SDK1: variants seen among roughly 807,000 people sequenced by gnomAD.
SDK1 encodes the protein sidekick cell adhesion molecule 1.
A neutral mutation model predicts 245.5 loss-of-function variants in SDK1; 157 were observed. The ratio of observed to expected loss-of-function variants is 0.64; its 90% confidence interval spans 0.56 to 0.73. The LOEUF is 0.73. Ranked by LOEUF, SDK1 falls within the 30% of genes least tolerant of loss-of-function variation. The pLI, the probability that SDK1 is intolerant of heterozygous loss-of-function variation, is 0.00. For missense variants in SDK1, 3,583 were observed against 3,002.3 expected (o/e 1.19, Z -4.52); for synonymous variants, 1,647 against 1,278.5 (o/e 1.29, Z -6.15).
chr7:4,035,897 C>CATA (rs560374279), intron 17 of SDK1, among the ~76,000 whole-genome samples: 2 of 151,972 alleles, frequency 1.3e-5, no homozygotes, highest in African/African-American at 2.4e-5. Context: ...TTTACAAATC[C>CATA]ATAATAATAA....
chr7:3,570,903 C>T (rs1780093928), intron 1 of SDK1, among the ~76,000 whole-genome samples: 1 of 150,148 alleles, frequency 6.7e-6, no homozygotes, highest in Admixed American at 6.6e-5. Flanking sequence ...TTCATGCATG[C>T]TTCTTTAATC....
intron 1 of SDK1, among the ~76,000 whole-genome samples, chr7:3,549,176 G>T (rs984509232): frequency 2.6e-5 from 4 of 152,222 alleles, no homozygotes; most frequent in African/African-American, 9.6e-5. Context: ...CATGCAAACA[G>T]TTCTTTTTGA....
At chr7:3,513,642 A>G (rs1229851997) in intron 1 of SDK1, among the ~76,000 whole-genome samples, 2 of 152,192 alleles carry the variant, frequency 1.3e-5, no homozygotes, top group East Asian at 3.9e-4. Flanking sequence ...AATAATTTCA[A>G]CTTTTATTTT....
rs184384756 is a variant in SDK1, at chr7:3,739,559, T to C, written c.714-81891T>C. Among the ~76,000 whole-genome samples the C allele has an allele frequency of 2.9e-3, 443 of 152,330 alleles. 16 individuals are homozygous for C. Among genetic ancestry groups the C allele is most frequent in the African/African-American group, 3.7e-3 (153 of 41,592 alleles). On this transcript the variant is annotated intron_variant, in intron 4 of 44. Coordinates refer to ENST00000404826, the MANE Select transcript of SDK1 (RefSeq NM_152744.4). The stretch of plus-strand genomic sequence containing the variant: ...GATTCTTTTTCTGCAGATTAAAATA[T>C]ACTGTTGAGTCCCTCCAGTGAATTT...
Position 4,041,890 on chromosome 7 carries a change from T to C in SDK1, c.2603-7458T>C, listed in dbSNP as rs1015082415. ...GTGCAGTGGTGAGATCTCGGCTCACTGCAACCTCCGCCTCCCAGGTTCGAG... is the reference window on the plus strand; with the variant it reads ...GTGCAGTGGTGAGATCTCGGCTCACCGCAACCTCCGCCTCCCAGGTTCGAG... On this transcript the variant is annotated intron_variant, in intron 17 of 44. Coordinates refer to ENST00000404826, the MANE Select transcript of SDK1 (RefSeq NM_152744.4). 3.8e-5 allele frequency among the ~76,000 whole-genome samples: 5 copies of C among 132,198 alleles called. 1 individual carries two copies. The East Asian group carries it at 1.0e-3, about 26-fold the overall frequency. 86.7% of individuals were successfully genotyped at this position (132,198 alleles called of 152,430 possible). A position where few individuals can be genotyped will look rare whatever the true frequency, so the allele number is the denominator to read the frequency against.
In SDK1 at chr7:3,506,650, C is replaced by G. The variant is rs201363769; in HGVS notation, c.299-112430C>G. Among the ~76,000 whole-genome samples, 5 of 152,268 alleles carry G rather than the reference C, an allele frequency of 3.3e-5. No individual in the cohort carries two copies. The East Asian group carries it at 7.7e-4, about 23-fold the overall frequency. ...TTTATTTCTTACAGTCTTCCTCCCC[C>G]TGCTCCCCAACCTTCAGTTTATGTA... On this transcript the variant is annotated intron_variant, in intron 1 of 44. Transcript: ENST00000404826.
chr7:4,043,822 T>G (rs1392504739), intron 17 of SDK1, among the ~76,000 whole-genome samples: 1 of 152,154 alleles, frequency 6.6e-6, no homozygotes, highest in Non-Finnish European at 1.5e-5. Flanking sequence ...TAATTGGGCT[T>G]CGTGAAACCC....
chr7:3,416,428 G>C (rs577529432), intron 1 of SDK1, among the ~76,000 whole-genome samples: 146 of 151,058 alleles, frequency 9.7e-4, no homozygotes, highest in African/African-American at 3.3e-3. Context: ...ACATTAATAT[G>C]AGTGAAGTCA....
At chr7:3,474,287 G>A (rs113610061) in intron 1 of SDK1, among the ~76,000 whole-genome samples, 1 of 151,402 alleles carries the variant, frequency 6.6e-6, no homozygotes, top group East Asian at 1.9e-4. Flanking sequence ...GTAGAGACGG[G>A]GTTTCACCAT....
At chr7:3,340,917 C>G (rs1456794614) in intron 1 of SDK1, among the ~76,000 whole-genome samples, 1 of 152,058 alleles carries the variant, frequency 6.6e-6, no homozygotes, top group Non-Finnish European at 1.5e-5. Flanking sequence ...TTTCACTGGA[C>G]AATTTACCAA....
intron 17 of SDK1, among the ~76,000 whole-genome samples, chr7:4,029,663 G>A (rs550809518): frequency 6.6e-6 from 1 of 152,148 alleles, no homozygotes; most frequent in Non-Finnish European, 1.5e-5. Context: ...TGCCCAAAGA[G>A]TGTGATTTAC....
At chr7:3,546,809 G>A (rs1311122520) in intron 1 of SDK1, among the ~76,000 whole-genome samples, 1 of 152,108 alleles carries the variant, frequency 6.6e-6, no homozygotes, top group Non-Finnish European at 1.5e-5. Context: ...TCTTTTCTTG[G>A]ACTCAATCTC....
chr7:3,957,626 G>A (rs903762755), intron 7 of SDK1, among the ~76,000 whole-genome samples: 1 of 152,052 alleles, frequency 6.6e-6, no homozygotes, highest in Non-Finnish European at 1.5e-5. Flanking sequence ...ATGAATACAG[G>A]TCAGGACCTG....
chr7:3,427,324 G>C (rs1368072967), intron 1 of SDK1, among the ~76,000 whole-genome samples: 3 of 152,110 alleles, frequency 2.0e-5, no homozygotes, highest in Non-Finnish European at 4.4e-5. Context: ...TTCGAGACCA[G>C]CCTGGCCAAC....
intron 3 of SDK1, 24 bp from the exon 4 acceptor site, chr7:3,641,934 G>C: frequency 1.2e-6 from 2 of 1,602,268 alleles, no homozygotes; most frequent in Non-Finnish European, 1.7e-6. Context: ...TCTAGAACTT[G>C]AAAGCACTTC....
chr7:3,546,874 G>A (rs899122506), intron 1 of SDK1, among the ~76,000 whole-genome samples: 11 of 152,260 alleles, frequency 7.2e-5, no homozygotes, highest in African/African-American at 2.6e-4. Flanking sequence ...TCCTCATTTT[G>A]CAAGCATTTA....
intron 19 of SDK1, among the ~76,000 whole-genome samples, chr7:4,066,802 G>A (rs950094112): frequency 6.6e-6 from 1 of 152,236 alleles, no homozygotes. Flanking sequence ...GGGCCCTGCT[G>A]TCCCTGAGTC....
chr7:3,977,996 G>C (rs982580145), intron 13 of SDK1, among the ~76,000 whole-genome samples: 1 of 152,048 alleles, frequency 6.6e-6, no homozygotes, highest in Non-Finnish European at 1.5e-5. Flanking sequence ...AGCTCAGGTC[G>C]TTCTACCAAA....
chr7:3,403,824 C>CAAATAT (rs71550401), intron 1 of SDK1, among the ~76,000 whole-genome samples: 2 of 60,750 alleles, frequency 3.3e-5, no homozygotes, highest in African/African-American at 5.0e-5. Context: ...AAATATCTTA[C>CAAATAT]ATATATATAT....
Sources: allele counts gnomAD v4.1 joint callset (sites outside exome capture counted in the v4.1 genomes callset), GRCh38; gene constraint gnomAD v4.1.1; transcripts MANE v1.5; gene names NCBI Gene and HGNC (gene_info 2026-07-23, HGNC 2026-07-21).